The following KIF9 variants were observed in gnomAD, a reference collection of about 807,000 sequenced individuals.
KIF9 encodes kinesin family member 9.
A neutral mutation model predicts 94.8 loss-of-function variants in KIF9; 68 were observed. The observed-to-expected ratio is 0.72, with a 90% confidence interval of 0.59 to 0.88. The LOEUF (loss-of-function observed/expected upper bound fraction) is 0.88. Ranked by LOEUF, KIF9 falls within the 40% of genes least tolerant of loss-of-function variation. The pLI, the probability that KIF9 is intolerant of heterozygous loss-of-function variation, is 0.00. For missense variants in KIF9, 882 were observed against 982.5 expected (o/e 0.90, Z 1.37); for synonymous variants, 343 against 362.1 (o/e 0.95, Z 0.60).
chr3:47,246,297 G>A (rs985381333), intron 12 of KIF9, 45 bp from the exon 13 acceptor site: 44 of 1,532,454 alleles, frequency 2.9e-5, no homozygotes, highest in Non-Finnish European at 3.9e-5. Context: ...AGGGCACCTC[G>A]AGGGACCAGG....
intron 20 of KIF9, among the ~76,000 whole-genome samples, chr3:47,229,024 T>G (rs1054725334): frequency 3.9e-5 from 6 of 152,216 alleles, no homozygotes; most frequent in Non-Finnish European, 7.3e-5. Context: ...GAGGGTTCTA[T>G]CTCCAGAGGA....
chr3:47,247,975 A>C, intron 11 of KIF9, 43 bp downstream of exon 11: 2 of 1,481,122 alleles, frequency 1.4e-6, no homozygotes, highest in South Asian at 1.1e-5. Flanking sequence ...GTCACCCCCT[A>C]CCCCAGCACC....
At chr3:47,263,672 C>T (rs191253896) in intron 9 of KIF9, 1 of 356,388 alleles carries the variant, frequency 2.8e-6, no homozygotes, top group African/African-American at 2.1e-5. Flanking sequence ...ACTCCAGCTT[C>T]AGGAAAAGTT....
chr3:47,264,015 C>A, intron 9 of KIF9: 1 of 541,190 alleles, frequency 1.8e-6, no homozygotes, highest in Non-Finnish European at 3.5e-6. Context: ...CTTGTCTTCA[C>A]AAAGCTGGCT....
At chr3:47,281,035 G>T (rs756708179) in intron 1 of KIF9, 2 of 703,056 alleles carry the variant, frequency 2.8e-6, no homozygotes, top group Non-Finnish European at 2.6e-6. Flanking sequence ...CTGCTTGAAG[G>T]CAAGGATTGT....
chr3:47,236,764 G>T, intron 17 of KIF9, 145 bp from the exon 18 acceptor site: 1 of 699,260 alleles, frequency 1.4e-6, no homozygotes, highest in East Asian at 2.7e-5. Context: ...AAGGAGATGG[G>T]CAAAGCACAA....
At chr3:47,240,458 C>G (rs1037966029) in intron 17 of KIF9, among the ~76,000 whole-genome samples, 2 of 152,182 alleles carry the variant, frequency 1.3e-5, no homozygotes, top group African/African-American at 4.8e-5. Context: ...ACCCACGGAC[C>G]TTGTAGAGGT....
Position 47,282,719 on chromosome 3 carries a change from C to T in KIF9, c.-230G>A. ...AAGACGAGAGATGGGGCCGATTGAT[C>T]TAGAAAGACTTCGGCGGATGCACAT... On this transcript the variant is annotated 5_prime_UTR_variant, in exon 1 of 21. It removes the in-frame stop codon of an upstream open reading frame in the 5' UTR. Transcript: ENST00000684063. The T allele has an allele frequency of 7.1e-7, 1 of 1,400,770 alleles. No individual in the cohort carries two copies. Among genetic ancestry groups the T allele is most frequent in the Non-Finnish European group, 9.3e-7 (1 of 1,077,160 alleles). The allele number at this position is 1,400,770 out of a possible 1,614,324, so 86.8% of individuals were successfully genotyped here.
rs755786123 is a variant in KIF9 at position 47,273,603 on chromosome 3, C to A, written c.315G>T (p.Gly105=). 3 of 1,613,634 alleles carry A rather than the reference C, an allele frequency of 1.9e-6. No homozygotes were observed. The South Asian group carries it at 3.3e-5, about 18-fold the overall frequency. ...TGAGKTYTMM[G]ATENYKHRGI... is the part of the protein sequence containing the mutation. ...CCCGGTGCTTGTAATTCTCAGTTGC[C>A]CCCATCATGGTGTATGTCTTGCCAG... The change falls in exon 4 of 21, where the codon GGG becomes GGT. Residue 105 remains glycine (G), a synonymous_variant. Coordinates refer to ENST00000684063, the MANE Select transcript of KIF9 (RefSeq NM_182902.4).
At chr3:47,268,403 CT>C (rs1368785056) in intron 5 of KIF9, among the ~76,000 whole-genome samples, 3 of 152,072 alleles carry the variant, frequency 2.0e-5, no homozygotes, top group African/African-American at 7.2e-5. Context: ...ACAGCCCCCC[CT>C]GGGGAGAGGA....
intron 15 of KIF9, chr3:47,244,364 T>C (rs1191408339): frequency 1.9e-5 from 3 of 160,796 alleles, no homozygotes; most frequent in South Asian, 1.8e-4. Flanking sequence ...ACTGGAGTTT[T>C]AGGTGACCTG....
At chr3:47,246,369 A>C (rs1350055845) in intron 12 of KIF9, 117 bp from the exon 13 acceptor site, 2 of 670,492 alleles carry the variant, frequency 3.0e-6, no homozygotes, top group Non-Finnish European at 4.8e-6. Flanking sequence ...ATCTGTCTCG[A>C]GAAGAGGACG....
At position 47,265,833 on chromosome 3, in the gene KIF9, C is replaced by G; in HGVS notation, c.813G>C (p.Ser271=). The G allele has an allele frequency of 6.2e-7, 1 of 1,614,138 alleles. No homozygotes were observed. Among genetic ancestry groups the G allele is most frequent in the South Asian group, 1.1e-5 (1 of 91,082 alleles). Reference sequence around the variant, plus strand: ...TGATGGCCTGCTCCAGGAATGAGAGCGATTTGTTGATGTAGGTGGCTTCCT... The same window carrying G: ...TGATGGCCTGCTCCAGGAATGAGAGGGATTTGTTGATGTAGGTGGCTTCCT... ...VLKEATYINK[S]LSFLEQAIIA... The change falls in exon 8 of 21, where the codon TCG becomes TCC. Residue 271 remains serine, a synonymous_variant. Coordinates refer to ENST00000684063, the MANE Select transcript of KIF9 (RefSeq NM_182902.4).
At chr3:47,243,332 T>C (rs963999752) in intron 15 of KIF9, 87 bp from the exon 16 acceptor site, 1 of 1,133,600 alleles carries the variant, frequency 8.8e-7, no homozygotes, top group Non-Finnish European at 1.2e-6. Flanking sequence ...CAGCACTGAC[T>C]ACACTGGGAA....
At chr3:47,251,585 G>A (rs576690933) in intron 10 of KIF9, among the ~76,000 whole-genome samples, 1 of 151,932 alleles carries the variant, frequency 6.6e-6, no homozygotes, top group African/African-American at 2.4e-5. Context: ...CAACAAACAG[G>A]GACATTTTTT....
chr3:47,270,258 C>CTT (rs1245982298), intron 5 of KIF9, among the ~76,000 whole-genome samples: 1 of 142,792 alleles, frequency 7.0e-6, no homozygotes, highest in Non-Finnish European at 1.5e-5. Context: ...TTTTTCTTTT[C>CTT]TTTTTTTTTT....
At chr3:47,235,720 C>CCA in intron 19 of KIF9, 103 bp from the exon 20 acceptor site, 2 of 865,298 alleles carry the variant, frequency 2.3e-6, no homozygotes, top group African/African-American at 1.6e-5. Flanking sequence ...TGCCACACAC[C>CCA]GCCCCACCGC....
chr3:47,245,570 C>A, intron 13 of KIF9, 59 bp from the exon 14 acceptor site: 2 of 1,293,896 alleles, frequency 1.5e-6, no homozygotes, highest in Non-Finnish European at 1.1e-6. Flanking sequence ...TCCACTGGGG[C>A]AAGAACCAAG....
chr3:47,281,173 T>G (rs998964172), intron 1 of KIF9: 1 of 631,880 alleles, frequency 1.6e-6, no homozygotes, highest in African/African-American at 1.8e-5. Flanking sequence ...AATCTTCATA[T>G]GTGGGTCTAT....
Sources: gnomAD v4.1 joint callset for allele counts (sites outside exome capture counted in the v4.1 genomes callset) on GRCh38, gnomAD v4.1.1 for gene constraint, MANE v1.5 for transcripts, NCBI Gene and HGNC (gene_info 2026-07-23, HGNC 2026-07-21) for gene names.